RB1CC1: variants seen among roughly 807,000 people sequenced by gnomAD.
RB1CC1 encodes the protein RB1-inducible coiled-coil protein 1.
Under a neutral mutation model 177.5 loss-of-function variants are expected in RB1CC1, and 46 were observed. That is an observed-to-expected ratio of 0.26 (90% confidence interval 0.20 to 0.33). RB1CC1 has a LOEUF of 0.33. Ranked by LOEUF, RB1CC1 falls within the 10% of genes least tolerant of loss-of-function variation. The probability of loss-of-function intolerance (pLI) is 1.00; values close to 1 mark genes in which losing one functional copy is unlikely to be tolerated. For synonymous variants in RB1CC1, 666 were observed against 613.6 expected (o/e 1.09, Z -1.26); for missense variants, 1,703 against 1,816.3 (o/e 0.94, Z 1.13).
chr8:52,642,295 TTA>T (rs1467563155), intron 18 of RB1CC1, 54 bp downstream of exon 18: 1 of 1,570,868 alleles, frequency 6.4e-7, no homozygotes, highest in African/African-American at 1.4e-5. Context: ...CTTCAGAGCT[TTA>T]TAACTCATGG....
chr8:52,700,867 C>T (rs955085351), intron 1 of RB1CC1, among the ~76,000 whole-genome samples: 1 of 152,074 alleles, frequency 6.6e-6, no homozygotes, highest in African/African-American at 2.4e-5. Flanking sequence ...ACTACACTCT[C>T]AATCTCAATG....
chr8:52,704,746 G>T (rs1364774959), intron 1 of RB1CC1, among the ~76,000 whole-genome samples: 4 of 152,134 alleles, frequency 2.6e-5, no homozygotes, highest in Non-Finnish European at 5.9e-5. Flanking sequence ...TAATTGTTAA[G>T]TAAGGTACAA....
At chr8:52,646,853 T>C (rs937562608) in intron 15 of RB1CC1, among the ~76,000 whole-genome samples, 5 of 152,150 alleles carry the variant, frequency 3.3e-5, no homozygotes, top group Admixed American at 1.3e-4. Context: ...ACTTAATCCT[T>C]AGCATTAAAA....
At chr8:52,662,840 T>C (rs887231701) in intron 8 of RB1CC1, among the ~76,000 whole-genome samples, 1 of 152,076 alleles carries the variant, frequency 6.6e-6, no homozygotes. Flanking sequence ...ATAATTTTTC[T>C]ATAATGTAAT....
chr8:52,645,751 T>C lies in RB1CC1; in HGVS notation c.3938A>G (p.Lys1313Arg). ...LEQLEEQEKR[K>R]NEEMQNVRTS... ...TCGAACATTTTGCATTTCTTCATTC[T>C]TTCTTTTTTCTTGCTCTTCAAGTTG... Residue 1313 changes from lysine to arginine, a missense_variant, in exon 16 of 24, where the codon AAG (lysine) becomes AGG (arginine). By Grantham distance (26) the Lys-to-Arg change is conservative. Around this residue, in one of 6 missense-constraint regions of RB1CC1, gnomAD observed 1,169 missense variants for 1,184.7 expected, o/e 0.99. Transcript: ENST00000025008. 6.2e-7 allele frequency: 1 copy of C among 1,612,960 alleles called. No individual in the cohort carries two copies. Among genetic ancestry groups the C allele is most frequent in the Non-Finnish European group, 8.5e-7 (1 of 1,179,600 alleles).
chr8:52,686,395 A>C (rs1286957459), intron 2 of RB1CC1, among the ~76,000 whole-genome samples: 1 of 152,164 alleles, frequency 6.6e-6, no homozygotes, highest in Admixed American at 6.5e-5. Context: ...TGTTTAAAAA[A>C]ATTAGACACA....
chr8:52,678,653 G>A (rs1853385450), intron 5 of RB1CC1, among the ~76,000 whole-genome samples: 1 of 152,164 alleles, frequency 6.6e-6, no homozygotes, highest in Non-Finnish European at 1.5e-5. Flanking sequence ...ATATTTGGCT[G>A]ATAAGGATGC....
chr8:52,642,783 C>T lies in RB1CC1; in HGVS notation c.4017G>A (p.Glu1339=). Residue 1339 remains glutamate, a synonymous_variant, in exon 17 of 24, where the codon GAG becomes GAA. Transcript: ENST00000025008. ...TTATTATGTTTTCTTTTCTCATTTTCTCTCTTGTTAAAACAGTGTTAAAAT... is the reference window on the plus strand; with the variant it reads ...TTATTATGTTTTCTTTTCTCATTTTTTCTCTTGTTAAAACAGTGTTAAAAT... ...QTNFNTVLTR[E]KMRKENIIND... The T allele has an allele frequency of 6.4e-7, 1 of 1,569,922 alleles. No homozygotes were observed. Among genetic ancestry groups the T allele is most frequent in the Non-Finnish European group, 8.6e-7 (1 of 1,166,464 alleles).
intron 7 of RB1CC1, among the ~76,000 whole-genome samples, chr8:52,672,316 T>C (rs974945645): frequency 2.6e-5 from 4 of 152,088 alleles, no homozygotes; most frequent in African/African-American, 9.7e-5. Flanking sequence ...ACTGTTCCTT[T>C]CCTTTAGTCA....
chr8:52,678,191 G>A (rs373310844), intron 5 of RB1CC1, among the ~76,000 whole-genome samples: 3 of 152,086 alleles, frequency 2.0e-5, no homozygotes, highest in East Asian at 3.9e-4. Context: ...GGCTGAGGCG[G>A]GCGATCACCT....
chr8:52,698,019 T>G (rs1855603673), intron 1 of RB1CC1, among the ~76,000 whole-genome samples: 1 of 152,196 alleles, frequency 6.6e-6, no homozygotes, highest in Non-Finnish European at 1.5e-5. Context: ...CATACTTTTA[T>G]TATTCATATT....
At chr8:52,685,757 A>T (rs556265462) in intron 2 of RB1CC1, among the ~76,000 whole-genome samples, 166 of 152,336 alleles carry the variant, frequency 1.1e-3, no homozygotes, top group Non-Finnish European at 3.2e-4. Context: ...CAGGAAAAAA[A>T]GTTTGATTCT....
At chr8:52,651,243 A>G (rs1436564182) in intron 15 of RB1CC1, among the ~76,000 whole-genome samples, 1 of 152,226 alleles carries the variant, frequency 6.6e-6, no homozygotes, top group Non-Finnish European at 1.5e-5. Flanking sequence ...CCTGGAAAGT[A>G]GACTTAAGAA....
At chr8:52,671,703 A>T (rs1176782167) in intron 7 of RB1CC1, among the ~76,000 whole-genome samples, 1 of 152,222 alleles carries the variant, frequency 6.6e-6, no homozygotes, top group Non-Finnish European at 1.5e-5. Context: ...ATATTTTTTA[A>T]CTTCAAACAT....
chr8:52,707,169 A>C (rs1856635754), intron 1 of RB1CC1, among the ~76,000 whole-genome samples: 1 of 152,218 alleles, frequency 6.6e-6, no homozygotes, highest in Admixed American at 6.5e-5. Flanking sequence ...CATATATGGA[A>C]GTTATGTAAA....
intron 2 of RB1CC1, among the ~76,000 whole-genome samples, chr8:52,685,732 A>AT (rs1471324572): frequency 6.6e-6 from 1 of 152,216 alleles, no homozygotes; most frequent in African/African-American, 2.4e-5. Context: ...AAAGAAAAGC[A>AT]TAACTGTTCT....
intron 1 of RB1CC1, among the ~76,000 whole-genome samples, chr8:52,696,356 G>C (rs1855412360): frequency 6.6e-6 from 1 of 152,106 alleles, no homozygotes; most frequent in African/African-American, 2.4e-5. Context: ...TTGGTTTCTA[G>C]AAAGAACCTT....
intron 8 of RB1CC1, among the ~76,000 whole-genome samples, chr8:52,664,862 T>C (rs1283829894): frequency 6.6e-6 from 1 of 152,164 alleles, no homozygotes; most frequent in African/African-American, 2.4e-5. Context: ...CAGCAATAAA[T>C]ATCTTTTTAT....
chr8:52,697,233 CA>C (rs1262504821), intron 1 of RB1CC1, among the ~76,000 whole-genome samples: 2 of 145,242 alleles, frequency 1.4e-5, no homozygotes, highest in Non-Finnish European at 3.0e-5. Context: ...TATGATGAAT[CA>C]GTTAAATTCA....
Sources: allele counts gnomAD v4.1 joint callset (sites outside exome capture counted in the v4.1 genomes callset), GRCh38; gene constraint gnomAD v4.1.1; regional missense constraint gnomAD v4.1.1; transcripts MANE v1.5; gene names NCBI Gene and HGNC (gene_info 2026-07-23, HGNC 2026-07-21).